The following GPC5 variants were observed in gnomAD, a reference collection of about 807,000 sequenced individuals.
GPC5 encodes glypican 5, also known as glypican-5.
GPC5 carries 47 observed loss-of-function variants against 53.9 expected under a neutral mutation model. The ratio of observed to expected loss-of-function variants is 0.87; its 90% CI spans 0.69 to 1.11. The LOEUF (loss-of-function observed/expected upper bound fraction) is 1.11, where lower values mean the gene tolerates loss of function less well. GPC5 is among the 50% of genes most tolerant of loss of function. The probability of loss-of-function intolerance (pLI) is 0.00; values close to 1 mark genes in which losing one functional copy is unlikely to be tolerated. For missense variants in GPC5, 748 were observed against 713.1 expected (o/e 1.05, Z -0.56); for synonymous variants, 286 against 263.3 (o/e 1.09, Z -0.84).
intron 7 of GPC5, among the ~76,000 whole-genome samples, chr13:92,753,544 G>A (rs1874694886): frequency 6.6e-6 from 1 of 152,106 alleles, no homozygotes; most frequent in African/African-American, 2.4e-5. Context: ...GCTATGGGAG[G>A]ACATTCAAAC....
intron 1 of GPC5, among the ~76,000 whole-genome samples, chr13:91,436,658 A>G (rs541417400): frequency 0.011 from 1,748 of 152,264 alleles, 37 homozygotes; most frequent in African/African-American, 0.041. Context: ...AAGAATGTAT[A>G]TTCTGTTGAT....
intron 7 of GPC5, among the ~76,000 whole-genome samples, chr13:92,367,434 G>T (rs185583182): frequency 1.3e-4 from 20 of 152,242 alleles, no homozygotes; most frequent in African/African-American, 3.4e-4. Context: ...TAATGGATTT[G>T]CTTACCAATA....
At chr13:91,977,994 A>G (rs2040322403) in intron 6 of GPC5, among the ~76,000 whole-genome samples, 1 of 152,106 alleles carries the variant, frequency 6.6e-6, no homozygotes, top group Admixed American at 6.5e-5. Context: ...AAAAGAAAAA[A>G]AAAATTAAAT....
chr13:91,892,960 G>C (rs116426101), intron 5 of GPC5, among the ~76,000 whole-genome samples: 1,584 of 151,984 alleles, frequency 0.01, 34 homozygotes, highest in African/African-American at 0.036. Flanking sequence ...TAGATAAAAT[G>C]AGTCATCATT....
chr13:92,835,192 ATTG>A (rs1402956842), intron 7 of GPC5, among the ~76,000 whole-genome samples: 1 of 151,994 alleles, frequency 6.6e-6, no homozygotes, highest in Non-Finnish European at 1.5e-5. Flanking sequence ...TTATTTTAAT[ATTG>A]TTTTCCTAAA....
intron 7 of GPC5, among the ~76,000 whole-genome samples, chr13:92,505,103 C>T (rs1366535219): frequency 6.6e-6 from 1 of 151,586 alleles, no homozygotes; most frequent in Non-Finnish European, 1.5e-5. Flanking sequence ...TTAACAGTAA[C>T]TTTGAGAAGT....
chr13:92,007,698 TAATA>T (rs1324596421), intron 6 of GPC5, among the ~76,000 whole-genome samples: 2 of 152,190 alleles, frequency 1.3e-5, no homozygotes, highest in African/African-American at 4.8e-5. Flanking sequence ...GTGTAATTAT[TAATA>T]TAGTTTGATT....
chr13:91,648,050 T>C (rs1005644092), intron 2 of GPC5, among the ~76,000 whole-genome samples: 4 of 152,246 alleles, frequency 2.6e-5, no homozygotes, highest in African/African-American at 9.6e-5. Context: ...TTGCTTTCTT[T>C]AAATTGTTAC....
chr13:92,082,008 G>C (rs1290808449), intron 6 of GPC5, among the ~76,000 whole-genome samples: 1 of 152,096 alleles, frequency 6.6e-6, no homozygotes. Flanking sequence ...GGAGGAATGT[G>C]AGTGAGTATT....
intron 7 of GPC5, among the ~76,000 whole-genome samples, chr13:92,644,979 G>A (rs374135623): frequency 3.4e-4 from 52 of 152,216 alleles, no homozygotes; most frequent in East Asian, 3.3e-3. Context: ...CAATAATATA[G>A]GTTTGGGAGT....
At chr13:92,579,957 GAGAAAGCAAGC>G (rs1883321594) in intron 7 of GPC5, among the ~76,000 whole-genome samples, 1 of 152,096 alleles carries the variant, frequency 6.6e-6, no homozygotes, top group Non-Finnish European at 1.5e-5. Flanking sequence ...ATTCTCAAAT[GAGAAAGCAAGC>G]ATATATTCTA....
intron 6 of GPC5, among the ~76,000 whole-genome samples, chr13:92,119,720 T>C (rs528534720): frequency 1.3e-5 from 2 of 151,954 alleles, no homozygotes; most frequent in South Asian, 4.2e-4. Flanking sequence ...TAGCTCTTTG[T>C]TACTATCTGA....
At chr13:91,452,075 G>T (rs1881219148) in intron 2 of GPC5, among the ~76,000 whole-genome samples, 1 of 151,836 alleles carries the variant, frequency 6.6e-6, no homozygotes, top group Admixed American at 6.6e-5. Flanking sequence ...GCCTCAACTT[G>T]CCAGGCTAAA....
At chr13:92,691,386 C>T (rs113387504) in intron 7 of GPC5, among the ~76,000 whole-genome samples, 22 of 145,126 alleles carry the variant, frequency 1.5e-4, no homozygotes, top group East Asian at 2.2e-4. Flanking sequence ...TGACCCCTTG[C>T]GCTTCCCAGG....
chr13:92,556,253 C>A lies in GPC5; in HGVS notation c.1562-310029C>A, dbSNP rs1012196202. ...CCTGTAAAACAATGTATACATCTGC[C>A]AACTTATTTAACAAAATTTGTGTGA... On this transcript the variant is annotated intron_variant, in intron 7 of 7. Coordinates refer to ENST00000377067, the MANE Select transcript of GPC5 (RefSeq NM_004466.6). Among the ~76,000 whole-genome samples the A allele has an allele frequency of 7.2e-5, 11 of 151,796 alleles. No homozygotes were observed. The East Asian group carries it at 1.7e-3, about 24-fold the overall frequency.
chr13:92,444,360 T>C (rs570303394), intron 7 of GPC5, among the ~76,000 whole-genome samples: 9 of 152,094 alleles, frequency 5.9e-5, no homozygotes, highest in Non-Finnish European at 8.8e-5. Context: ...TAATAAATAT[T>C]TATTGAGCAG....
At chr13:92,355,882 ATTT>A (rs57295384) in intron 7 of GPC5, among the ~76,000 whole-genome samples, 26,915 of 126,026 alleles carry the variant, frequency 0.21, 2,237 homozygotes, top group South Asian at 0.35. Flanking sequence ...TGACCCTATC[ATTT>A]TTTTTTTTTT....
chr13:92,559,462 C>T (rs192522065), intron 7 of GPC5, among the ~76,000 whole-genome samples: 10 of 151,350 alleles, frequency 6.6e-5, no homozygotes, highest in African/African-American at 2.2e-4. Context: ...CCCCTCCTGC[C>T]GCTACTCAAT....
intron 7 of GPC5, among the ~76,000 whole-genome samples, chr13:92,725,215 G>A (rs577749406): frequency 2.0e-5 from 3 of 151,232 alleles, no homozygotes; most frequent in South Asian, 2.1e-4. Flanking sequence ...AGCCACATTC[G>A]TGCCTATTTC....
Sources: gnomAD v4.1 joint callset for allele counts (sites outside exome capture counted in the v4.1 genomes callset) on GRCh38, gnomAD v4.1.1 for gene constraint, MANE v1.5 for transcripts, NCBI Gene and HGNC (gene_info 2026-07-23, HGNC 2026-07-21) for gene names.